The following PCDHGA3 variants were observed in gnomAD, a reference collection of about 807,000 sequenced individuals.
The protein encoded by PCDHGA3 is protocadherin gamma subfamily A, 3, also known as protocadherin gamma-A3.
Under a neutral mutation model 58.5 loss-of-function variants are expected in PCDHGA3, and 40 were observed. The ratio of observed to expected loss-of-function variants is 0.68; its 90% CI spans 0.53 to 0.89. The LOEUF (loss-of-function observed/expected upper bound fraction) is 0.89, where lower values mean the gene tolerates loss of function less well. PCDHGA3 is among the 40% of genes least tolerant of loss of function. The pLI, the probability that PCDHGA3 is intolerant of heterozygous loss-of-function variation, is 0.00. For synonymous variants in PCDHGA3, 530 were observed against 525.7 expected, an observed-to-expected ratio of 1.01 and a Z score of -0.11; for missense variants, 1,223 against 1,195.9, an observed-to-expected ratio of 1.02 and a Z score of -0.33.
At chr5:141,398,249 T>C (rs1462140853) in intron 1 of PCDHGA3, 2 of 1,470,902 alleles carry the variant, frequency 1.4e-6, no homozygotes, top group Non-Finnish European at 1.8e-6. Context: ...CCCGAGGAAA[T>C]GCCCAAGGGC....
intron 1 of PCDHGA3, chr5:141,351,510 C>T: frequency 6.2e-7 from 1 of 1,614,030 alleles, no homozygotes; most frequent in South Asian, 1.1e-5. Flanking sequence ...TACAACGTCA[C>T]AATCATAGCC....
chr5:141,384,341 G>A (rs373965421), intron 1 of PCDHGA3: 3 of 1,613,758 alleles, frequency 1.9e-6, no homozygotes, highest in Admixed American at 1.7e-5. Context: ...GACCACGACA[G>A]TGAGGATAAT....
At chr5:141,399,720 C>G (rs1217371004) in intron 1 of PCDHGA3, 2 of 1,613,306 alleles carry the variant, frequency 1.2e-6, no homozygotes, top group South Asian at 2.2e-5. Context: ...TACAGGCCCG[C>G]GACCAGGGCT....
chr5:141,344,571 C>G lies in PCDHGA3; in HGVS notation c.538C>G (p.Leu180Val). 1.2e-6 allele frequency: 2 copies of G among 1,614,022 alleles called. No individual in the cohort carries two copies. The highest frequency in any genetic ancestry group is 8.5e-7 in the Non-Finnish European group (1 of 1,179,898). Residue 180 changes from leucine (L) to valine (V), a missense_variant, in exon 1 of 4, where the codon CTG (leucine) becomes GTG (valine). By Grantham distance (32) the Leu-to-Val change is conservative. Around this residue, in one of 3 missense-constraint regions of PCDHGA3, gnomAD observed 791 missense variants for 708.5 expected, o/e 1.12. Transcript: ENST00000253812. ...GCTTAGCCCCAATGACTACTTCTCT[C>G]TGGCTGTGAATAGCGTCTCTGAGGG... is the stretch of plus-strand genomic sequence containing the variant. Reference protein sequence around the residue: ...YKLSPNDYFSLAVNSVSEGAK... With the variant: ...YKLSPNDYFSVAVNSVSEGAK...
At chr5:141,465,184 A>G (rs866520508) in intron 1 of PCDHGA3, among the ~76,000 whole-genome samples, 2 of 152,130 alleles carry the variant, frequency 1.3e-5, no homozygotes, top group Admixed American at 6.5e-5. Flanking sequence ...ATTTAATTAA[A>G]AGATAAAAAT....
At chr5:141,426,826 T>C (rs2096963111) in intron 1 of PCDHGA3, 1 of 456,600 alleles carries the variant, frequency 2.2e-6, no homozygotes, top group Admixed American at 2.3e-5. Flanking sequence ...TCTCTGATGA[T>C]GGACAAGACT....
At chr5:141,413,592 A>G in intron 1 of PCDHGA3, 1 of 1,613,916 alleles carries the variant, frequency 6.2e-7, no homozygotes, top group Non-Finnish European at 8.5e-7. Context: ...AATTCCAAGC[A>G]GAAAATCTAG....
chr5:141,491,876 A>G lies in PCDHGA3; in HGVS notation c.2425-2931A>G. ...TTGCGCGAAACCAGAGTGGCCGATT[A>G]AGGGATGGGGCTCCGAGCACCGGGG... On this transcript the variant is annotated intron_variant, in intron 1 of 3. Coordinates refer to ENST00000253812, the MANE Select transcript of PCDHGA3 (RefSeq NM_018916.4). The surrounding 1 kb of genome is among the most constrained non-coding windows in gnomAD (Gnocchi z 6.9). 2.1e-6 allele frequency: 3 copies of G among 1,450,326 alleles called. No individual in the cohort carries two copies. Among genetic ancestry groups the G allele is most frequent in the Non-Finnish European group, 1.8e-6 (2 of 1,097,472 alleles). 89.8% of individuals were successfully genotyped at this position (1,450,326 alleles called of 1,614,324 possible).
In PCDHGA3 at chr5:141,378,383, T is replaced by G. The variant is rs559607457; in HGVS notation, c.2424+31926T>G. 8.5e-5 allele frequency: 13 copies of G among 152,064 alleles called. 1 individual carries two copies. The South Asian group carries it at 1.5e-3, about 17-fold the overall frequency. 9.4% of individuals were successfully genotyped at this position (152,064 alleles called of 1,614,324 possible). A position where few individuals can be genotyped will look rare whatever the true frequency, so the allele number is the denominator to read the frequency against. On this transcript the variant is annotated intron_variant, in intron 1 of 3. Transcript: ENST00000253812. Reference sequence around the variant, plus strand: ...ACTAAAAATACAAAAATTAGCCAGGTGGGGTGGCATGGGCCTGTAATCGCA... The same window carrying G: ...ACTAAAAATACAAAAATTAGCCAGGGGGGGTGGCATGGGCCTGTAATCGCA...
intron 1 of PCDHGA3, chr5:141,404,805 C>T (rs770534822): frequency 1.7e-5 from 28 of 1,613,842 alleles, no homozygotes; most frequent in Admixed American, 6.7e-5. Context: ...GGGCTCTTCT[C>T]GGTGGGGCTG....
At chr5:141,384,048 C>T in intron 1 of PCDHGA3, 2 of 1,611,890 alleles carry the variant, frequency 1.2e-6, no homozygotes, top group Non-Finnish European at 1.7e-6. Context: ...GTGAGGTGAC[C>T]TGCACCATTC....
rs747049833 is a variant in PCDHGA3 at position 141,372,558 on chromosome 5, G to T, written c.2424+26101G>T. 2.5e-6 allele frequency: 4 copies of T among 1,614,002 alleles called. No individual in the cohort carries two copies. In the South Asian group the frequency reaches 4.4e-5, roughly 18 times the overall value. ...GCGCCTGCGATGCTCCTCCAGACCC[G>T]CCACTGAGGGCTACTTTCAGCCTGG... On this transcript the variant is annotated intron_variant, in intron 1 of 3. Transcript: ENST00000253812.
chr5:141,371,862 T>C (rs549873232), intron 1 of PCDHGA3: 34 of 1,613,560 alleles, frequency 2.1e-5, no homozygotes, highest in African/African-American at 1.5e-4. Context: ...TGTCTCCTAC[T>C]ACATCGTGGC....
Position 141,477,872 on chromosome 5 carries a change from G to A in PCDHGA3, c.2425-16935G>A. The stretch of plus-strand genomic sequence containing the variant: ...GGAGATGCTGCCTCGAGGTACCTCA[G>A]CTGGCCACCTAGTGTCACGGGTGGT... On this transcript the variant is annotated intron_variant, in intron 1 of 3. Coordinates refer to ENST00000253812, the MANE Select transcript of PCDHGA3 (RefSeq NM_018916.4). This position sits in a 1 kb window ranked among gnomAD's most constrained non-coding sequence, Gnocchi z 4.9. The A allele has an allele frequency of 6.2e-7, 1 of 1,614,180 alleles. No individual in the cohort carries two copies. Among genetic ancestry groups the A allele is most frequent in the African/African-American group, 1.3e-5 (1 of 75,058 alleles).
chr5:141,408,743 A>G (rs764671808), intron 1 of PCDHGA3: 13 of 1,610,030 alleles, frequency 8.1e-6, no homozygotes, highest in African/African-American at 2.7e-5. Flanking sequence ...TTTTTCATTA[A>G]TGGTTAGAGT....
At chr5:141,415,700 A>G (rs1213224503) in intron 1 of PCDHGA3, 1 of 1,515,570 alleles carries the variant, frequency 6.6e-7, no homozygotes, top group East Asian at 2.5e-5. Flanking sequence ...GAAAGTGTAA[A>G]TGCTAAAACA....
intron 1 of PCDHGA3, chr5:141,389,721 G>A (rs1477842058): frequency 2.5e-6 from 4 of 1,612,502 alleles, no homozygotes; most frequent in Non-Finnish European, 1.7e-6. Context: ...TAGCGAGCCC[G>A]GGCTCTTCAG....
At position 141,371,601 on chromosome 5, in the gene PCDHGA3, A is replaced by G. The variant is rs770903429; in HGVS notation, c.2424+25144A>G. 5 of 1,613,988 alleles carry G rather than the reference A, an allele frequency of 3.1e-6. No homozygotes were observed. The East Asian group carries it at 8.9e-5, about 29-fold the overall frequency. ...CGTTCAAGATACCAAAAACACATAC[A>G]GGTTGGTGACAGATGGAGCCCTGGA... On this transcript the variant is annotated intron_variant, in intron 1 of 3. Transcript: ENST00000253812.
intron 1 of PCDHGA3, chr5:141,417,887 C>A: frequency 6.4e-7 from 1 of 1,564,888 alleles, no homozygotes; most frequent in Non-Finnish European, 8.7e-7. Context: ...GCAGAGGCGC[C>A]GGGCCGGCCC....
Sources: allele counts gnomAD v4.1 joint callset (sites outside exome capture counted in the v4.1 genomes callset), GRCh38; gene constraint gnomAD v4.1.1; regional missense constraint gnomAD v4.1.1; non-coding constraint Gnocchi (gnomAD v3.1); transcripts MANE v1.5; gene names NCBI Gene and HGNC (gene_info 2026-07-23, HGNC 2026-07-21).